Variants in GRM7 observed in about 807,000 individuals in gnomAD.
GRM7 encodes metabotropic glutamate receptor 7.
Under a neutral mutation model 84.5 loss-of-function variants are expected in GRM7, and 35 were observed. The ratio of observed to expected loss-of-function variants is 0.41; its 90% confidence interval spans 0.32 to 0.55. The LOEUF is 0.55. Ranked by LOEUF, GRM7 falls within the 20% of genes least tolerant of loss-of-function variation. GRM7 has a pLI of 0.19. For synonymous variants in GRM7, 487 were observed against 455.1 expected, an observed-to-expected ratio of 1.07 and a Z score of -0.89; for missense variants, 1,003 against 1,194.6, an observed-to-expected ratio of 0.84 and a Z score of 2.36.
chr3:7,099,544 CAT>C (rs1169680236), intron 1 of GRM7, among the ~76,000 whole-genome samples: 4 of 146,784 alleles, frequency 2.7e-5, no homozygotes, highest in Non-Finnish European at 4.5e-5. Flanking sequence ...TACATGTACA[CAT>C]ATATGTATAT....
chr3:7,081,579 G>T (rs1160706247), intron 1 of GRM7, among the ~76,000 whole-genome samples: 1 of 151,968 alleles, frequency 6.6e-6, no homozygotes, highest in African/African-American at 2.4e-5. Context: ...TCAAGTGAAA[G>T]GAATAATCAC....
chr3:7,468,662 G>A (rs940285224), intron 7 of GRM7, among the ~76,000 whole-genome samples: 3 of 152,090 alleles, frequency 2.0e-5, no homozygotes, highest in Non-Finnish European at 2.9e-5. Flanking sequence ...TGTGTTGAGG[G>A]GGCATCTGTA....
intron 2 of GRM7, among the ~76,000 whole-genome samples, chr3:7,249,149 A>G (rs1472838644): frequency 6.6e-6 from 1 of 152,124 alleles, no homozygotes; most frequent in East Asian, 1.9e-4. Context: ...TGTTTGGGAT[A>G]AAACTTCCAT....
chr3:6,885,164 C>T (rs1695644637), intron 1 of GRM7, among the ~76,000 whole-genome samples: 1 of 152,144 alleles, frequency 6.6e-6, no homozygotes, highest in African/African-American at 2.4e-5. Flanking sequence ...TAGCTTCACC[C>T]ACGAAACAAT....
chr3:7,388,273 G>A (rs182558443), intron 4 of GRM7, among the ~76,000 whole-genome samples: 3 of 152,174 alleles, frequency 2.0e-5, no homozygotes, highest in Admixed American at 2.0e-4. Flanking sequence ...CTACTTGGAT[G>A]CCTTTTGTTT....
chr3:6,996,484 C>T (rs1694835516), intron 1 of GRM7, among the ~76,000 whole-genome samples: 1 of 152,170 alleles, frequency 6.6e-6, no homozygotes, highest in Non-Finnish European at 1.5e-5. Flanking sequence ...TAAACTCCAG[C>T]ATCCTGTGAT....
At chr3:7,009,585 T>C (rs932113081) in intron 1 of GRM7, among the ~76,000 whole-genome samples, 3 of 152,210 alleles carry the variant, frequency 2.0e-5, no homozygotes, top group African/African-American at 4.8e-5. Context: ...TAGAAAGTCC[T>C]ACTCCTTTGA....
At chr3:7,094,520 G>C (rs1047243594) in intron 1 of GRM7, among the ~76,000 whole-genome samples, 3 of 152,152 alleles carry the variant, frequency 2.0e-5, no homozygotes, top group Non-Finnish European at 4.4e-5. Context: ...AACTGGGCTT[G>C]AGATACGTTA....
chr3:7,623,628 C>A (rs904238882), intron 8 of GRM7, among the ~76,000 whole-genome samples: 1 of 152,072 alleles, frequency 6.6e-6, no homozygotes, highest in Non-Finnish European at 1.5e-5. Flanking sequence ...CAGATCAGGC[C>A]AACCATCTGT....
chr3:7,473,361 T>C (rs1364404241), intron 7 of GRM7, among the ~76,000 whole-genome samples: 2 of 152,036 alleles, frequency 1.3e-5, no homozygotes, highest in African/African-American at 4.8e-5. Flanking sequence ...CTTGTAGTCC[T>C]AGCTACTCAG....
intron 9 of GRM7, among the ~76,000 whole-genome samples, chr3:7,690,736 A>T (rs1203409074): frequency 6.6e-6 from 1 of 152,230 alleles, no homozygotes; most frequent in African/African-American, 2.4e-5. Flanking sequence ...GATCCTAAGG[A>T]CTTGCTTTAA....
rs138077540 is a variant in GRM7 at position 7,518,375 on chromosome 3, T to A, written c.1515+56653T>A. Among the ~76,000 whole-genome samples the A allele has an allele frequency of 7.3e-3, 1,113 of 152,304 alleles. 19 individuals are homozygous for A. Among genetic ancestry groups the A allele is most frequent in the Admixed American group, 0.024 (372 of 15,304 alleles). On this transcript the variant is annotated intron_variant, in intron 7 of 9. Transcript: ENST00000357716. ...AAGTGCATTAGAAAGCATCACAGAATAAGCTTTCTCATTCTGTCTGCCATG... is the reference window on the plus strand; with the variant it reads ...AAGTGCATTAGAAAGCATCACAGAAAAAGCTTTCTCATTCTGTCTGCCATG...
At chr3:7,293,311 T>C (rs780591138) in intron 2 of GRM7, among the ~76,000 whole-genome samples, 2 of 152,132 alleles carry the variant, frequency 1.3e-5, no homozygotes, top group African/African-American at 4.8e-5. Flanking sequence ...CTAGCTACCA[T>C]GCGCAGACAG....
At chr3:7,609,066 T>G (rs531802925) in intron 8 of GRM7, among the ~76,000 whole-genome samples, 1 of 152,294 alleles carries the variant, frequency 6.6e-6, no homozygotes, top group South Asian at 2.1e-4. Context: ...TCTGTTTCAT[T>G]GGTCTATGTG....
intron 2 of GRM7, among the ~76,000 whole-genome samples, chr3:7,195,954 G>T (rs1354002967): frequency 6.6e-6 from 1 of 152,114 alleles, no homozygotes; most frequent in Non-Finnish European, 1.5e-5. Flanking sequence ...TGGATATAAA[G>T]ATAAATATAC....
intron 9 of GRM7, among the ~76,000 whole-genome samples, chr3:7,694,178 G>GATC (rs1441618357): frequency 1.3e-5 from 2 of 152,106 alleles, no homozygotes; most frequent in Non-Finnish European, 2.9e-5. Context: ...CTTTAGAAAA[G>GATC]ATCATCTCTC....
At chr3:6,978,890 A>G (rs1694095468) in intron 1 of GRM7, among the ~76,000 whole-genome samples, 3 of 152,186 alleles carry the variant, frequency 2.0e-5, no homozygotes, top group Admixed American at 6.5e-5. Flanking sequence ...GTGGTTTAAA[A>G]TAAAGGAGTC....
chr3:6,915,515 T>C (rs1376277189), intron 1 of GRM7, among the ~76,000 whole-genome samples: 4 of 152,244 alleles, frequency 2.6e-5, no homozygotes, highest in African/African-American at 9.6e-5. Context: ...CGTTCATCTT[T>C]TCATACTGTC....
At chr3:7,448,209 T>TA (rs1697609479) in intron 5 of GRM7, among the ~76,000 whole-genome samples, 1 of 151,236 alleles carries the variant, frequency 6.6e-6, no homozygotes, top group African/African-American at 2.4e-5. Context: ...GCAATAAACA[T>TA]ACATGTGCAT....
Sources: allele counts gnomAD v4.1 joint callset (sites outside exome capture counted in the v4.1 genomes callset), GRCh38; gene constraint gnomAD v4.1.1; transcripts MANE v1.5; gene names NCBI Gene and HGNC (gene_info 2026-07-23, HGNC 2026-07-21).